GALNT13: variants seen among roughly 807,000 people sequenced by gnomAD.
The protein encoded by GALNT13 is polypeptide N-acetylgalactosaminyltransferase 13.
In GALNT13, 28 loss-of-function variants were observed where a neutral mutation model predicts 64.2. The ratio of observed to expected loss-of-function variants is 0.44; its 90% CI spans 0.32 to 0.60. GALNT13 has a LOEUF of 0.60. Among genes scored for constraint, GALNT13 ranks in the 20% least tolerant of loss-of-function variants. The pLI, the probability that GALNT13 is intolerant of heterozygous loss-of-function variation, is 0.05. For synonymous variants in GALNT13, 214 were observed against 224.6 expected (o/e 0.95, Z 0.42); for missense variants, 577 against 669.8 (o/e 0.86, Z 1.53).
chr2:153,596,337 T>C, the GALNT13 span, among the ~76,000 whole-genome samples: 147 of 152,212 alleles, frequency 9.7e-4, no homozygotes, highest in African/African-American at 3.4e-3. Flanking sequence ...AGACAAAAAC[T>C]CCACTTCTTA....
chr2:153,191,381 G>A, the GALNT13 span, among the ~76,000 whole-genome samples: 1 of 152,210 alleles, frequency 6.6e-6, no homozygotes, highest in South Asian at 2.1e-4. Flanking sequence ...ATTTGCATAT[G>A]TAGGTTGAGC....
chr2:153,965,936 G>T (rs1456838569), intron 3 of GALNT13, among the ~76,000 whole-genome samples: 1 of 151,812 alleles, frequency 6.6e-6, no homozygotes, highest in Non-Finnish European at 1.5e-5. Flanking sequence ...TTTTTGATAG[G>T]TTGGTTTTTA....
chr2:153,404,491 CTAAT>C, the GALNT13 span, among the ~76,000 whole-genome samples: 1 of 151,174 alleles, frequency 6.6e-6, no homozygotes, highest in South Asian at 2.1e-4. Context: ...CTAATTTCAC[CTAAT>C]TGTGATTTTT....
the GALNT13 span, among the ~76,000 whole-genome samples, chr2:153,252,646 G>C: frequency 2.0e-5 from 3 of 152,172 alleles, no homozygotes; most frequent in Non-Finnish European, 4.4e-5. Flanking sequence ...ATTAATTTTT[G>C]TATAATGTGT....
intron 3 of GALNT13, among the ~76,000 whole-genome samples, chr2:154,119,466 A>T (rs991541947): frequency 9.9e-5 from 15 of 152,132 alleles, no homozygotes; most frequent in African/African-American, 3.4e-4. Context: ...GTTTACATCT[A>T]TCCTTAGATT....
intron 4 of GALNT13, among the ~76,000 whole-genome samples, chr2:154,199,829 G>T (rs1687076685): frequency 1.3e-5 from 2 of 151,874 alleles, no homozygotes; most frequent in African/African-American, 4.8e-5. Flanking sequence ...TTGGCCCTAG[G>T]GTAAGTAATC....
the GALNT13 span, among the ~76,000 whole-genome samples, chr2:153,719,574 C>T: frequency 6.6e-6 from 1 of 152,142 alleles, no homozygotes; most frequent in Non-Finnish European, 1.5e-5. Flanking sequence ...TAGGGAGTGC[C>T]AGACAGTGGG....
At chr2:153,831,910 T>C in the GALNT13 span, among the ~76,000 whole-genome samples, 1 of 152,200 alleles carries the variant, frequency 6.6e-6, no homozygotes, top group Non-Finnish European at 1.5e-5. Context: ...TTCTAGTTAA[T>C]TATGAGGTAC....
chr2:153,340,297 C>A, the GALNT13 span, among the ~76,000 whole-genome samples: 1 of 151,332 alleles, frequency 6.6e-6, no homozygotes, highest in Non-Finnish European at 1.5e-5. Context: ...CCTTTTGTAT[C>A]TTTATTTATT....
At chr2:153,624,582 G>T in the GALNT13 span, among the ~76,000 whole-genome samples, 28 of 152,086 alleles carry the variant, frequency 1.8e-4, no homozygotes, top group Admixed American at 1.7e-3. Flanking sequence ...GAGCCAAGTA[G>T]AGTCCAACAG....
At chr2:153,297,261 G>A in the GALNT13 span, among the ~76,000 whole-genome samples, 1 of 152,098 alleles carries the variant, frequency 6.6e-6, no homozygotes, top group African/African-American at 2.4e-5. Flanking sequence ...TTGTTTTAGT[G>A]TTAATGAGCA....
At chr2:153,436,366 T>C in the GALNT13 span, among the ~76,000 whole-genome samples, 1 of 152,222 alleles carries the variant, frequency 6.6e-6, no homozygotes, top group African/African-American at 2.4e-5. Context: ...GAGGATTCCC[T>C]CTTTTTCTAT....
At position 153,953,948 on chromosome 2, in the gene GALNT13, C is replaced by T. The variant is rs147025582; in HGVS notation, c.142+9309C>T. Among the ~76,000 whole-genome samples, 616 of 152,182 alleles carry T rather than the reference C, an allele frequency of 4.0e-3. 4 individuals carry two copies. The highest frequency in any genetic ancestry group is 5.4e-3 in the Non-Finnish European group (366 of 68,006). On this transcript the variant is annotated intron_variant, in intron 3 of 12. Transcript: ENST00000392825. ...TGCCAGGGAGGCTAAGGTTTCTTCT[C>T]ATAAATCCAGGGAGACAGATGGCCT...
chr2:154,249,318 C>T (rs1219484542), intron 7 of GALNT13, among the ~76,000 whole-genome samples: 1 of 152,150 alleles, frequency 6.6e-6, no homozygotes, highest in Non-Finnish European at 1.5e-5. Context: ...TGTAAAGTTG[C>T]TCACTGTCTG....
the GALNT13 span, among the ~76,000 whole-genome samples, chr2:153,099,083 A>G: frequency 6.6e-6 from 1 of 152,200 alleles, no homozygotes; most frequent in Admixed American, 6.5e-5. Context: ...ACTGCACTCC[A>G]GCCTGGGCAA....
rs535433618 is a variant in GALNT13, at chr2:154,274,962, A to G, written c.975+15824A>G. Among the ~76,000 whole-genome samples the G allele has an allele frequency of 2.0e-5, 3 of 152,194 alleles. No homozygotes were observed. In the South Asian group the frequency reaches 6.2e-4, roughly 32 times the overall value. Reference sequence around the variant, plus strand: ...AGTCCAGGCTGAGGTGGTCTCAGAGATGGGGAACCTGTTGTGAACTGGAGT... The same window carrying G: ...AGTCCAGGCTGAGGTGGTCTCAGAGGTGGGGAACCTGTTGTGAACTGGAGT... On this transcript the variant is annotated intron_variant, in intron 8 of 12. Transcript: ENST00000392825.
chr2:154,259,502 A>G (rs1182352081), intron 8 of GALNT13, among the ~76,000 whole-genome samples: 1 of 152,150 alleles, frequency 6.6e-6, no homozygotes, highest in Non-Finnish European at 1.5e-5. Context: ...TGAATTTGCA[A>G]CTACTGCCTC....
At chr2:154,447,658 T>C (rs707075) in intron 12 of GALNT13, among the ~76,000 whole-genome samples, 126,260 of 151,760 alleles carry the variant, frequency 0.83, 53,266 homozygotes, top group Admixed American at 0.91. Context: ...CAATTGAGCT[T>C]AGAAGTCTTG....
chr2:153,446,440 TAGAG>T, the GALNT13 span, among the ~76,000 whole-genome samples: 3 of 152,150 alleles, frequency 2.0e-5, no homozygotes, highest in Non-Finnish European at 2.9e-5. Flanking sequence ...TGGGGAAATA[TAGAG>T]AGAAACTAAG....
Sources: allele counts gnomAD v4.1 joint callset (sites outside exome capture counted in the v4.1 genomes callset), GRCh38; gene constraint gnomAD v4.1.1; transcripts MANE v1.5; gene names NCBI Gene and HGNC (gene_info 2026-07-23, HGNC 2026-07-21).